The following PRSS23 variants were observed in gnomAD, a reference collection of about 807,000 sequenced individuals.
PRSS23 encodes the protein protease, serine 23.
PRSS23 carries 25 observed loss-of-function variants against 34.7 expected under a neutral mutation model. That is an observed-to-expected ratio of 0.72 (90% CI 0.53 to 1.01). PRSS23 has a LOEUF of 1.01. Ranked by LOEUF, PRSS23 falls within the 50% of genes least tolerant of loss-of-function variation. The pLI, the probability that PRSS23 is intolerant of heterozygous loss-of-function variation, is 0.00. For synonymous variants in PRSS23, 176 were observed against 186.6 expected, an observed-to-expected ratio of 0.94 and a Z score of 0.46; for missense variants, 445 against 475.6, an observed-to-expected ratio of 0.94 and a Z score of 0.60.
intron 1 of PRSS23, among the ~76,000 whole-genome samples, chr11:86,793,037 T>G (rs376227439): frequency 5.3e-5 from 8 of 152,250 alleles, no homozygotes; most frequent in African/African-American, 1.7e-4. Flanking sequence ...TGTATTTTTT[T>G]GTAGAGATGG....
intron 1 of PRSS23, among the ~76,000 whole-genome samples, chr11:86,822,491 T>A (rs1012269368): frequency 1.3e-5 from 2 of 151,852 alleles, no homozygotes; most frequent in Non-Finnish European, 2.9e-5. Flanking sequence ...TGCAGTGAAG[T>A]GTGCCTATAG....
At chr11:86,807,489 A>G (rs1652884034) in intron 1 of PRSS23, 142 bp from the exon 2 acceptor site, 2 of 817,266 alleles carry the variant, frequency 2.4e-6, no homozygotes, top group South Asian at 4.2e-5. Flanking sequence ...ACCGTTATCT[A>G]AGGATTCCTC....
intron 2 of PRSS23, among the ~76,000 whole-genome samples, chr11:86,854,992 C>G (rs2134923874): frequency 6.6e-6 from 1 of 152,246 alleles, no homozygotes; most frequent in Non-Finnish European, 1.5e-5. Flanking sequence ...AGGGAGAAAC[C>G]TCATCTCTAC....
chr11:86,796,005 A>G (rs549538066), upstream of PRSS23, among the ~76,000 whole-genome samples: 3 of 152,328 alleles, frequency 2.0e-5, 1 homozygote, highest in South Asian at 6.2e-4. Context: ...GCTTCCAAGT[A>G]TCATTCAGTC....
At chr11:86,917,265 G>T (rs1266866850) in intron 2 of PRSS23, among the ~76,000 whole-genome samples, 1 of 152,222 alleles carries the variant, frequency 6.6e-6, no homozygotes, top group Non-Finnish European at 1.5e-5. Flanking sequence ...GGTGCAGTGA[G>T]CTGAGATTGT....
At chr11:86,821,850 ATAAG>A (rs1284358354) in intron 1 of PRSS23, 1 of 467,538 alleles carries the variant, frequency 2.1e-6, no homozygotes, top group African/African-American at 2.0e-5. Flanking sequence ...GCTCGATTTA[ATAAG>A]TAAGAGTACC....
chr11:86,879,279 C>A (rs1308324385), intron 2 of PRSS23, among the ~76,000 whole-genome samples: 2 of 149,962 alleles, frequency 1.3e-5, no homozygotes, highest in East Asian at 4.1e-4. Context: ...GCTGCGACCC[C>A]GTCTGGGAGG....
chr11:86,850,710 A>C (rs2555535), intron 2 of PRSS23, among the ~76,000 whole-genome samples: 8 of 151,958 alleles, frequency 5.3e-5, no homozygotes, highest in Non-Finnish European at 1.0e-4. Flanking sequence ...AGTGGATCTT[A>C]TCTATGCTCC....
intron 2 of PRSS23, among the ~76,000 whole-genome samples, chr11:86,895,516 C>G (rs903494408): frequency 8.6e-6 from 1 of 115,984 alleles, no homozygotes; most frequent in African/African-American, 3.4e-5. Flanking sequence ...GGGTCTCACT[C>G]TTGCCCAGGC....
At chr11:86,839,260 C>T (rs993796049) in intron 2 of PRSS23, among the ~76,000 whole-genome samples, 16 of 152,108 alleles carry the variant, frequency 1.1e-4, no homozygotes, top group Admixed American at 1.3e-4. Context: ...AAAGGTTAGA[C>T]GAGTGGCTAA....
chr11:86,888,526 C>T (rs142134298), intron 2 of PRSS23, among the ~76,000 whole-genome samples: 123 of 152,280 alleles, frequency 8.1e-4, no homozygotes, highest in African/African-American at 2.9e-3. Flanking sequence ...CATACAATCC[C>T]CGCCAGAAAA....
At chr11:86,947,186 G>C (rs1459549497) in intron 2 of PRSS23, 8 of 168,398 alleles carry the variant, frequency 4.8e-5, no homozygotes, top group Non-Finnish European at 1.0e-4. Flanking sequence ...CTGGGTGACA[G>C]AGCAAGACCC....
chr11:86,952,018 A>G (rs375581888), exon 3 of PRSS23: 1 of 1,614,016 alleles, frequency 6.2e-7, no homozygotes, highest in African/African-American at 1.3e-5. Context: ...AGGAAAACCT[A>G]GAAGAATCGA....
rs1446447712 is a variant in PRSS23, at chr11:86,951,517, C to G, written c.*232C>G. 2.5e-6 allele frequency: 4 copies of G among 1,614,130 alleles called. No individual in the cohort carries two copies. The South Asian group carries it at 4.4e-5, about 18-fold the overall frequency. On this transcript the variant is annotated 3_prime_UTR_variant, in exon 3 of 3. Coordinates refer to the PRSS23 transcript ENST00000533902. Reference sequence around the variant, plus strand: ...TTTGAAGATTTGACCGAATTTTGAACAAGGCCACCAAACCTGCAGCAATGA... The same window carrying G: ...TTTGAAGATTTGACCGAATTTTGAAGAAGGCCACCAAACCTGCAGCAATGA...
At chr11:86,824,322 A>ATAAAAC in intron 2 of PRSS23, among the ~76,000 whole-genome samples, 1 of 121,064 alleles carries the variant, frequency 8.3e-6, no homozygotes, top group South Asian at 2.7e-4. Flanking sequence ...AAAAATAAAA[A>ATAAAAC]TAAAAATAAA....
At chr11:86,895,477 C>CTT (rs71040269) in intron 2 of PRSS23, among the ~76,000 whole-genome samples, 27,565 of 86,594 alleles carry the variant, frequency 0.32, 5,363 homozygotes, top group Non-Finnish European at 0.39. Flanking sequence ...TTATTTTATC[C>CTT]TTTTTTTTTT....
chr11:86,835,391 C>T (rs181567064), intron 2 of PRSS23, among the ~76,000 whole-genome samples: 46 of 152,344 alleles, frequency 3.0e-4, no homozygotes, highest in African/African-American at 9.9e-4. Flanking sequence ...TGTGTAAGGA[C>T]TCCTAGAGCT....
At chr11:86,855,901 C>A (rs1948567091) in intron 2 of PRSS23, among the ~76,000 whole-genome samples, 1 of 152,196 alleles carries the variant, frequency 6.6e-6, no homozygotes. Flanking sequence ...CAATCTCACC[C>A]ATTTCTGCTG....
chr11:86,827,788 A>G (rs1038149870), intron 2 of PRSS23, among the ~76,000 whole-genome samples: 2 of 152,084 alleles, frequency 1.3e-5, no homozygotes, highest in African/African-American at 4.8e-5. Context: ...TTCAGTTTCC[A>G]TGTAGTTGAG....
Sources: allele counts gnomAD v4.1 joint callset (sites outside exome capture counted in the v4.1 genomes callset), GRCh38; gene constraint gnomAD v4.1.1; transcripts MANE v1.5; gene names NCBI Gene and HGNC (gene_info 2026-07-23, HGNC 2026-07-21).